The following MRC2 variants were observed in gnomAD, a reference collection of about 807,000 sequenced individuals.
The protein encoded by MRC2 is mannose receptor C-type 2, also known as C-type mannose receptor 2.
MRC2 carries 84 observed loss-of-function variants against 206.2 expected under a neutral mutation model. That is an observed-to-expected ratio of 0.41 (90% CI 0.34 to 0.49). MRC2 has a LOEUF of 0.49. Among genes scored for constraint, MRC2 ranks in the 20% least tolerant of loss-of-function variants. The pLI, the probability that MRC2 is intolerant of heterozygous loss-of-function variation, is 0.31. For synonymous variants in MRC2, 798 were observed against 800.0 expected, an observed-to-expected ratio of 1.00 and a Z score of 0.04; for missense variants, 1,676 against 2,001.5, an observed-to-expected ratio of 0.84 and a Z score of 3.10.
chr17:62,664,995 G>T lies in MRC2; in HGVS notation c.520+46G>T. The stretch of plus-strand genomic sequence containing the variant: ...GGGAGGGTGGGGTCCCCGATGTCCA[G>T]GGGACTGGAGCCATGAGGGACAGAT... On this transcript the variant is annotated intron_variant, in intron 2 of 29. Transcript: ENST00000303375. The surrounding 1 kb of genome is among the most constrained non-coding windows in gnomAD (Gnocchi z 4.7). 1 of 1,542,664 alleles carries T rather than the reference G, an allele frequency of 6.5e-7. No individual in the cohort carries two copies. Among genetic ancestry groups the T allele is most frequent in the Non-Finnish European group, 8.7e-7 (1 of 1,149,172 alleles).
intron 6 of MRC2, among the ~76,000 whole-genome samples, chr17:62,670,162 G>A (rs1259525879): frequency 6.6e-6 from 1 of 152,184 alleles, no homozygotes; most frequent in African/African-American, 2.4e-5. Context: ...CTCTCTGCAC[G>A]AGGCATATTC....
At chr17:62,635,228 T>G in intron 1 of MRC2, among the ~76,000 whole-genome samples, 1 of 137,584 alleles carries the variant, frequency 7.3e-6, no homozygotes. Context: ...ATAGCCTCAA[T>G]CAGAGGCATT....
chr17:62,684,309 G>A (rs979293095), intron 20 of MRC2, among the ~76,000 whole-genome samples: 6 of 151,176 alleles, frequency 4.0e-5, no homozygotes, highest in Admixed American at 1.3e-4. Context: ...AAACATTTTT[G>A]TTTAAAAATT....
intron 1 of MRC2, among the ~76,000 whole-genome samples, chr17:62,635,436 G>T (rs2088302140): frequency 6.6e-6 from 1 of 151,982 alleles, no homozygotes; most frequent in Non-Finnish European, 1.5e-5. Flanking sequence ...ATTTAGGGAA[G>T]GATAAGGAGC....
chr17:62,663,838 G>A (rs550125849), intron 1 of MRC2, among the ~76,000 whole-genome samples: 3 of 152,116 alleles, frequency 2.0e-5, no homozygotes, highest in Admixed American at 1.3e-4. Flanking sequence ...GAAAAACCAC[G>A]CCATGTAATA....
In MRC2 at chr17:62,692,459, C is replaced by G; in HGVS notation, c.*8C>G. 1 of 1,552,134 alleles carries G rather than the reference C, an allele frequency of 6.4e-7. No individual in the cohort carries two copies. The highest frequency in any genetic ancestry group is 8.7e-7 in the Non-Finnish European group (1 of 1,147,008). On this transcript the variant is annotated 3_prime_UTR_variant, in exon 30 of 30. Transcript: ENST00000303375. This position sits in a 1 kb window ranked among gnomAD's most constrained non-coding sequence, Gnocchi z 4.2. Reference sequence around the variant, plus strand: ...AATGAGCAACAAGAATAGAGCCAGGCGCGTGGGCAGGGCCAGGGCGGGAGG... The same window carrying G: ...AATGAGCAACAAGAATAGAGCCAGGGGCGTGGGCAGGGCCAGGGCGGGAGG...
chr17:62,667,807 A>G lies in MRC2; in HGVS notation c.1117+274A>G, dbSNP rs2088776858. Reference sequence around the variant, plus strand: ...CCACAGTCTGCTGGAGGTGACAGACATCTCAATGCAGTTAGACTATCCCAG... The same window carrying G: ...CCACAGTCTGCTGGAGGTGACAGACGTCTCAATGCAGTTAGACTATCCCAG... On this transcript the variant is annotated intron_variant, in intron 6 of 29. Coordinates refer to ENST00000303375, the MANE Select transcript of MRC2 (RefSeq NM_006039.5). This position sits in a 1 kb window ranked among gnomAD's most constrained non-coding sequence, Gnocchi z 4.1. Among the ~76,000 whole-genome samples the G allele has an allele frequency of 6.6e-6, 1 of 152,236 alleles. No homozygotes were observed. The highest frequency in any genetic ancestry group is 1.5e-5 in the Non-Finnish European group (1 of 68,036).
rs1598982445 is a variant in MRC2 at position 62,664,648 on chromosome 17, T to G, written c.219T>G (p.Pro73=). The G allele has an allele frequency of 6.2e-7, 1 of 1,613,810 alleles. No homozygotes were observed. The highest frequency in any genetic ancestry group is 2.2e-5 in the East Asian group (1 of 44,880). ...CCCCGGCTTGCAATACCAGCCTCCCTGCCCAGCGCTGGAAGTGGGTCTCCC... is the reference window on the plus strand; with the variant it reads ...CCCCGGCTTGCAATACCAGCCTCCCGGCCCAGCGCTGGAAGTGGGTCTCCC... The part of the protein sequence containing the change: ...RVTPACNTSL[P]AQRWKWVSRN... The change falls in exon 2 of 30, where the codon CCT becomes CCG. Residue 73 remains proline, a synonymous_variant. Coordinates refer to ENST00000303375, the MANE Select transcript of MRC2 (RefSeq NM_006039.5). The surrounding 1 kb of genome is among the most constrained non-coding windows in gnomAD (Gnocchi z 4.7).
intron 20 of MRC2, among the ~76,000 whole-genome samples, chr17:62,682,704 C>T (rs867268224): frequency 4.6e-5 from 7 of 150,732 alleles, no homozygotes; most frequent in South Asian, 4.2e-4. Context: ...TGCAGTGGCG[C>T]GATCTCGGCT....
At chr17:62,661,284 AGG>A (rs2088676146) in intron 1 of MRC2, among the ~76,000 whole-genome samples, 3 of 152,192 alleles carry the variant, frequency 2.0e-5, no homozygotes, top group Admixed American at 1.3e-4. Flanking sequence ...TTCAAGCAGG[AGG>A]AAGACTTACC....
At position 62,693,007 on chromosome 17, in the gene MRC2, A is replaced by G. The variant is rs1392688533; in HGVS notation, c.*556A>G. 2 of 156,112 alleles carry G rather than the reference A, an allele frequency of 1.3e-5. No individual in the cohort carries two copies. Among genetic ancestry groups the G allele is most frequent in the Non-Finnish European group, 2.8e-5 (2 of 70,182 alleles). 9.7% of individuals were successfully genotyped at this position (156,112 alleles called of 1,614,324 possible). A position where few individuals can be genotyped will look rare whatever the true frequency, so the allele number is the denominator to read the frequency against. On this transcript the variant is annotated 3_prime_UTR_variant, in exon 30 of 30. Coordinates refer to ENST00000303375, the MANE Select transcript of MRC2 (RefSeq NM_006039.5). The stretch of plus-strand genomic sequence containing the variant: ...TGAGGGTCAGCTGAGGGGGCTGAGC[A>G]TCCATCACTCCTGTGCCTGCTGGGG...
intron 19 of MRC2, 42 bp downstream of exon 19, chr17:62,681,979 A>G (rs2429389): frequency 0.96 from 1,486,018 of 1,551,896 alleles, 716,938 homozygotes; most frequent in Non-Finnish European, 0.98. Flanking sequence ...CAGCTGTGCA[A>G]AGGGTTAATG....
intron 20 of MRC2, among the ~76,000 whole-genome samples, chr17:62,687,295 G>A (rs993715047): frequency 2.6e-5 from 4 of 152,180 alleles, no homozygotes; most frequent in Non-Finnish European, 5.9e-5. Flanking sequence ...CAAGTAGCTG[G>A]GATTACAGGC....
chr17:62,650,572 A>G (rs939718939), intron 1 of MRC2, among the ~76,000 whole-genome samples: 2 of 152,220 alleles, frequency 1.3e-5, no homozygotes, highest in Non-Finnish European at 2.9e-5. Context: ...TCTTCCCCTT[A>G]TTAACTGTGT....
rs1474592555 is a variant in MRC2 at position 62,664,576 on chromosome 17, T to C, written c.147T>C (p.His49=). Residue 49 remains histidine (H), a synonymous_variant, in exon 2 of 30, where the codon CAT becomes CAC. Coordinates refer to ENST00000303375, the MANE Select transcript of MRC2 (RefSeq NM_006039.5). This position sits in a 1 kb window ranked among gnomAD's most constrained non-coding sequence, Gnocchi z 4.7. ...CCAACGTCTTCCTCATCTTCAGCCA[T>C]GGACTGCAGGGCTGCCTGGAGGCCC... ...PEPNVFLIFS[H]GLQGCLEAQG... 3 of 1,613,014 alleles carry C rather than the reference T, an allele frequency of 1.9e-6. No individual in the cohort carries two copies. Among genetic ancestry groups the C allele is most frequent in the East Asian group, 2.2e-5 (1 of 44,884 alleles).
chr17:62,636,715 G>A (rs1373881154), intron 1 of MRC2, among the ~76,000 whole-genome samples: 2 of 151,766 alleles, frequency 1.3e-5, no homozygotes, highest in South Asian at 2.1e-4. Context: ...CTCGTGATCC[G>A]CCCGCCTCAG....
intron 1 of MRC2, among the ~76,000 whole-genome samples, chr17:62,637,947 C>T (rs1234628175): frequency 1.3e-5 from 2 of 152,182 alleles, no homozygotes; most frequent in African/African-American, 2.4e-5. Context: ...TCACGGGAGC[C>T]TCGACCTCCT....
rs1598993225 is a variant in MRC2, at chr17:62,680,687, G to A, written c.2474-113G>A. On this transcript the variant is annotated intron_variant, in intron 16 of 29. Coordinates refer to ENST00000303375, the MANE Select transcript of MRC2 (RefSeq NM_006039.5). The surrounding 1 kb of genome is among the most constrained non-coding windows in gnomAD (Gnocchi z 4.8). ...GTGCCTGCCTGGGTCCGGTGTGCCT[G>A]CAGGCTCGCCTGCTGCCGCCTGGCT... 8.2e-6 allele frequency: 11 copies of A among 1,344,872 alleles called. No homozygotes were observed. In the East Asian group the frequency reaches 3.0e-4, roughly 37 times the overall value. 83.3% of individuals were successfully genotyped at this position (1,344,872 alleles called of 1,614,324 possible).
intron 1 of MRC2, among the ~76,000 whole-genome samples, chr17:62,651,573 A>C (rs939616896): frequency 6.6e-6 from 1 of 151,832 alleles, no homozygotes; most frequent in Non-Finnish European, 1.5e-5. Flanking sequence ...TTGAAAGTTA[A>C]TTTTTTTCTC....
Sources: allele counts gnomAD v4.1 joint callset (sites outside exome capture counted in the v4.1 genomes callset), GRCh38; gene constraint gnomAD v4.1.1; non-coding constraint Gnocchi (gnomAD v3.1); transcripts MANE v1.5; gene names NCBI Gene and HGNC (gene_info 2026-07-23, HGNC 2026-07-21).